MICAL3: variants seen among roughly 807,000 people sequenced by gnomAD.
The protein encoded by MICAL3 is [F-actin]-monooxygenase MICAL3.
Under a neutral mutation model 207.4 loss-of-function variants are expected in MICAL3, and 62 were observed. The ratio of observed to expected loss-of-function variants is 0.30; its 90% CI spans 0.24 to 0.37. MICAL3 has a LOEUF of 0.37. Ranked by LOEUF, MICAL3 falls within the 10% of genes least tolerant of loss-of-function variation. MICAL3 has a pLI of 1.00. For synonymous variants in MICAL3, 1,077 were observed against 1,069.3 expected (o/e 1.01, Z -0.14); for missense variants, 2,368 against 2,635.6 (o/e 0.90, Z 2.22).
intron 1 of MICAL3, among the ~76,000 whole-genome samples, chr22:17,974,321 C>T (rs774685816): frequency 1.3e-4 from 20 of 152,216 alleles, no homozygotes; most frequent in Non-Finnish European, 1.9e-4. Flanking sequence ...GCCTATGCTG[C>T]ATGGCCTGGC....
chr22:17,821,755 T>C (rs1024735244), intron 24 of MICAL3, among the ~76,000 whole-genome samples: 1 of 152,230 alleles, frequency 6.6e-6, no homozygotes, highest in Non-Finnish European at 1.5e-5. Flanking sequence ...GCTTCCTCCA[T>C]GTGCAGACTC....
chr22:17,833,488 G>A (rs376101731), intron 20 of MICAL3, among the ~76,000 whole-genome samples: 3 of 152,202 alleles, frequency 2.0e-5, no homozygotes, highest in Non-Finnish European at 2.9e-5. Context: ...GTGAGAGGGC[G>A]AACCAGTAAA....
Position 17,841,760 on chromosome 22 carries a change from A to T in MICAL3, c.2801+62T>A. ...TCACTGAGAAGAAACCGAGACACACAGAGGTGAGGAGGCTCTTAGGGCCGT... is the reference window on the plus strand; with the variant it reads ...TCACTGAGAAGAAACCGAGACACACTGAGGTGAGGAGGCTCTTAGGGCCGT... On this transcript the variant is annotated intron_variant, in intron 20 of 31. Coordinates refer to ENST00000441493, the MANE Select transcript of MICAL3 (RefSeq NM_015241.3). The surrounding 1 kb of genome is among the most constrained non-coding windows in gnomAD (Gnocchi z 4.2). The T allele has an allele frequency of 6.7e-7, 1 of 1,495,818 alleles. No homozygotes were observed. The highest frequency in any genetic ancestry group is 9.1e-7 in the Non-Finnish European group (1 of 1,104,124). The allele number at this position is 1,495,818 out of a possible 1,614,324, so 92.7% of individuals were successfully genotyped here. A position where few individuals can be genotyped will look rare whatever the true frequency, so the allele number is the denominator to read the frequency against.
intron 1 of MICAL3, among the ~76,000 whole-genome samples, chr22:18,011,379 T>C (rs1923712448): frequency 1.3e-5 from 2 of 151,042 alleles, no homozygotes; most frequent in Non-Finnish European, 2.9e-5. Flanking sequence ...ACCCCATCTC[T>C]ACTAAAAAAT....
At position 17,813,680 on chromosome 22, in the gene MICAL3, G is replaced by A. The variant is rs554386611; in HGVS notation, c.5446-2867C>T. 9 of 152,330 alleles carry A rather than the reference G, an allele frequency of 5.9e-5. 1 individual carries two copies. The highest frequency in any genetic ancestry group is 5.9e-4 in the Admixed American group (9 of 15,308). The allele number at this position is 152,330 out of a possible 1,614,324, so 9.4% of individuals were successfully genotyped here. Reference sequence around the variant, plus strand: ...CCTATGGCTGATGTCAATAGCAATGGGGGGCAGTGGCTGCCTTCCCACAAT... The same window carrying A: ...CCTATGGCTGATGTCAATAGCAATGAGGGGCAGTGGCTGCCTTCCCACAAT... On this transcript the variant is annotated intron_variant, in intron 27 of 31. Coordinates refer to ENST00000441493, the MANE Select transcript of MICAL3 (RefSeq NM_015241.3).
intron 29 of MICAL3, among the ~76,000 whole-genome samples, chr22:17,791,996 C>A (rs978703521): frequency 1.3e-5 from 2 of 152,240 alleles, no homozygotes; most frequent in African/African-American, 4.8e-5. Flanking sequence ...ACGCCCTGCC[C>A]TGGTCCAATC....
intron 19 of MICAL3, among the ~76,000 whole-genome samples, chr22:17,851,684 G>T (rs1466078974): frequency 5.9e-5 from 9 of 152,168 alleles, no homozygotes; most frequent in Admixed American, 5.9e-4. Context: ...AGAACAAATG[G>T]GAACGGCCGC....
intron 1 of MICAL3, among the ~76,000 whole-genome samples, chr22:17,918,148 C>T (rs1047266164): frequency 7.9e-5 from 12 of 152,136 alleles, no homozygotes; most frequent in Admixed American, 6.5e-4. Context: ...GCCCTATAAA[C>T]GTGTCGTAAA....
rs543404968 is a variant in MICAL3 at position 17,807,982 on chromosome 22, C to T, written c.5650+862G>A. Reference sequence around the variant, plus strand: ...GAAGTTCCCCCATCCAGAGACTAGACGAAGATTTGTGGATGTTTGAGAAGG... The same window carrying T: ...GAAGTTCCCCCATCCAGAGACTAGATGAAGATTTGTGGATGTTTGAGAAGG... On this transcript the variant is annotated intron_variant, in intron 29 of 31. Transcript: ENST00000441493. Among the ~76,000 whole-genome samples the T allele has an allele frequency of 2.0e-4, 30 of 152,368 alleles. 1 individual carries two copies. Among genetic ancestry groups the T allele is most frequent in the African/African-American group, 1.2e-4 (5 of 41,588 alleles).
intron 1 of MICAL3, among the ~76,000 whole-genome samples, chr22:17,952,095 T>C (rs997650504): frequency 3.3e-5 from 5 of 152,224 alleles, no homozygotes; most frequent in African/African-American, 1.2e-4. Flanking sequence ...ACTGCAAGGA[T>C]GGGAACGGGA....
intron 1 of MICAL3, among the ~76,000 whole-genome samples, chr22:17,962,610 G>C (rs1934961325): frequency 6.6e-6 from 1 of 152,184 alleles, no homozygotes; most frequent in Non-Finnish European, 1.5e-5. Flanking sequence ...TGCAGCAGTG[G>C]GAACCAGAAT....
intron 27 of MICAL3, chr22:17,815,672 C>G (rs944099836): frequency 1.3e-5 from 2 of 152,410 alleles, no homozygotes; most frequent in African/African-American, 4.8e-5. Context: ...GGAGGAGAGG[C>G]CTGGCTCTCT....
chr22:17,961,930 A>G (rs1471560717), intron 1 of MICAL3, among the ~76,000 whole-genome samples: 2 of 152,198 alleles, frequency 1.3e-5, no homozygotes, highest in African/African-American at 4.8e-5. Context: ...GCCTTTGAAA[A>G]TATCTGTTTG....
intron 21 of MICAL3, among the ~76,000 whole-genome samples, chr22:17,828,599 C>T (rs1249422302): frequency 6.6e-6 from 1 of 152,226 alleles, no homozygotes; most frequent in Non-Finnish European, 1.5e-5. Flanking sequence ...TCAAAGCCCT[C>T]ACCTGAGAAC....
chr22:17,854,294 C>A (rs752249334), intron 19 of MICAL3, among the ~76,000 whole-genome samples: 22 of 152,128 alleles, frequency 1.4e-4, no homozygotes, highest in Non-Finnish European at 2.9e-4. Context: ...GCACAGGAAG[C>A]CCTCACAGCA....
chr22:17,856,282 T>C (rs1925879899), intron 19 of MICAL3, among the ~76,000 whole-genome samples: 1 of 152,238 alleles, frequency 6.6e-6, no homozygotes, highest in African/African-American at 2.4e-5. Flanking sequence ...GAAAGTATTT[T>C]GGCAGAGAAG....
chr22:17,995,340 C>A (rs1272102158), intron 1 of MICAL3, among the ~76,000 whole-genome samples: 1 of 151,856 alleles, frequency 6.6e-6, no homozygotes, highest in Non-Finnish European at 1.5e-5. Flanking sequence ...CCATGCCCGG[C>A]TAATTTTTAA....
chr22:17,859,474 GGCT>G (rs1926277132), intron 19 of MICAL3, among the ~76,000 whole-genome samples: 1 of 152,226 alleles, frequency 6.6e-6, no homozygotes, highest in Non-Finnish European at 1.5e-5. Context: ...ACAGTGCCAC[GGCT>G]GCTAATGCCA....
intron 17 of MICAL3, 144 bp downstream of exon 17, chr22:17,871,693 A>T (rs1044690586): frequency 3.6e-5 from 24 of 673,852 alleles, no homozygotes; most frequent in Middle Eastern, 4.1e-4. Flanking sequence ...TGATGGAGGG[A>T]GAGGGGCAAG....
Sources: allele counts gnomAD v4.1 joint callset (sites outside exome capture counted in the v4.1 genomes callset), GRCh38; gene constraint gnomAD v4.1.1; non-coding constraint Gnocchi (gnomAD v3.1); transcripts MANE v1.5; gene names NCBI Gene and HGNC (gene_info 2026-07-23, HGNC 2026-07-21).